Variants in ATRX observed in about 807,000 individuals in gnomAD.
ATRX encodes chromatin remodeler ATRX.
ATRX carries 12 observed loss-of-function variants against 172.6 expected under a neutral mutation model. The observed-to-expected ratio is 0.07, with a 90% CI of 0.04 to 0.11. The LOEUF (loss-of-function observed/expected upper bound fraction) is 0.11, where lower values mean the gene tolerates loss of function less well. ATRX is among the 10% of genes least tolerant of loss of function. The pLI is 1.00. For synonymous variants in ATRX, 674 were observed against 594.7 expected, an observed-to-expected ratio of 1.13 and a Z score of -1.94; for missense variants, 1,368 against 1,767.4, an observed-to-expected ratio of 0.77 and a Z score of 4.05.
At chrX:77,531,132 C>T (rs1196560282) in intron 30 of ATRX, among the ~76,000 whole-genome samples, 1 of 111,445 alleles carries the variant, frequency 9.0e-6, no homozygotes, top group Non-Finnish European at 1.9e-5. Context: ...GAAATTGAGG[C>T]AGTAATAAAT....
At chrX:77,756,400 G>A (rs1264390793) in intron 1 of ATRX, among the ~76,000 whole-genome samples, 1 of 109,361 alleles carries the variant, frequency 9.1e-6, no homozygotes, top group Non-Finnish European at 1.9e-5. Flanking sequence ...GGTATGAAGA[G>A]GGGGAAAAAA....
intron 1 of ATRX, among the ~76,000 whole-genome samples, chrX:77,778,635 C>A (rs1429857395): frequency 9.4e-6 from 1 of 106,730 alleles, no homozygotes; most frequent in South Asian, 4.2e-4. Flanking sequence ...GCAGGAGAAT[C>A]GCTTGAACCC....
At chrX:77,714,038 G>A (rs1557163213) in intron 2 of ATRX, among the ~76,000 whole-genome samples, 1 of 111,526 alleles carries the variant, frequency 9.0e-6, no homozygotes. Context: ...GAATTAGCAA[G>A]CAAAAAGCTA....
chrX:77,632,016 T>G (rs1311006812), intron 19 of ATRX, among the ~76,000 whole-genome samples: 1 of 111,078 alleles, frequency 9.0e-6, no homozygotes, highest in African/African-American at 3.3e-5. Context: ...TTTTTATTTT[T>G]GAGATGGAGT....
intron 1 of ATRX, among the ~76,000 whole-genome samples, chrX:77,723,879 T>A (rs1557170896): frequency 8.9e-6 from 1 of 111,830 alleles, no homozygotes; most frequent in African/African-American, 3.3e-5. Flanking sequence ...AATTGCAAAG[T>A]CAGCTATTTA....
At chrX:77,627,110 G>A (rs1399764964) in intron 19 of ATRX, among the ~76,000 whole-genome samples, 4 of 111,533 alleles carry the variant, frequency 3.6e-5, no homozygotes, top group Non-Finnish European at 7.5e-5. Context: ...GCAGGCGCCT[G>A]TAGTCCCAGC....
rs1340328179 is a variant in ATRX at position 77,683,031 on chromosome X, C to G, written c.2225G>C (p.Ser742Thr). ...TGAAGAAGAACTGTGACTCATCCTG[C>G]TCACCTCTTTGAGGATTGCTAGCAT... ...DEMLAILKEV[S>T]RMSHSSSSDT... The change falls in exon 9 of 35, where the codon AGC becomes ACC. Residue 742 changes from serine (S) to threonine (T), a missense_variant. Coordinates refer to ENST00000373344, the MANE Select transcript of ATRX (RefSeq NM_000489.6). 5 of 1,208,512 alleles carry G rather than the reference C, an allele frequency of 4.1e-6. No individual in the cohort carries two copies. The African/African-American group carries it at 7.0e-5, about 17-fold the overall frequency.
intron 9 of ATRX, among the ~76,000 whole-genome samples, chrX:77,678,943 C>A (rs952367268): frequency 1.8e-5 from 2 of 110,667 alleles, no homozygotes; most frequent in African/African-American, 3.3e-5. Flanking sequence ...CCAAATACTG[C>A]GAATAAACTG....
chrX:77,651,569 T>C (rs2069244530), intron 15 of ATRX, among the ~76,000 whole-genome samples: 1 of 111,889 alleles, frequency 8.9e-6, no homozygotes, highest in Non-Finnish European at 1.9e-5. Context: ...AGAAATCCTG[T>C]GGTTGAGGCT....
rs782672217 is a variant in ATRX, at chrX:77,564,189, A to C, written c.6327-5343T>G. Among the ~76,000 whole-genome samples the C allele has an allele frequency of 6.3e-5, 7 of 111,522 alleles. No individual in the cohort carries two copies. The South Asian group carries it at 2.7e-3, about 42-fold the overall frequency. On this transcript the variant is annotated intron_variant, in intron 28 of 34. Coordinates refer to ENST00000373344, the MANE Select transcript of ATRX (RefSeq NM_000489.6). ...ATGGGCATCTCTTAGTGCAGTCAAA[A>C]TGACACATAAAATTAACTATCACAC... is the stretch of plus-strand genomic sequence containing the variant.
intron 8 of ATRX, 78 bp from the exon 9 acceptor site, chrX:77,684,671 C>T (rs2071454143): frequency 9.5e-7 from 1 of 1,047,767 alleles, no homozygotes; most frequent in Non-Finnish European, 1.3e-6. Flanking sequence ...TAAAAATAAA[C>T]ATTATTCCCA....
chrX:77,552,929 A>G (rs782154392), intron 30 of ATRX, among the ~76,000 whole-genome samples: 2 of 111,771 alleles, frequency 1.8e-5, no homozygotes, highest in African/African-American at 6.5e-5. Flanking sequence ...AAAAGCATGG[A>G]ATTTAATTAT....
intron 34 of ATRX, among the ~76,000 whole-genome samples, 200 bp downstream of exon 34, chrX:77,520,588 A>AG (rs2063198724): frequency 8.9e-6 from 1 of 112,234 alleles, no homozygotes; most frequent in African/African-American, 3.2e-5. Flanking sequence ...ATTCCCATTT[A>AG]GGTAGCTGTT....
In ATRX at chrX:77,786,004, T is replaced by C. The variant is rs1557207646; in HGVS notation, c.-3A>G. On this transcript the variant is annotated 5_prime_UTR_variant, in exon 1 of 35. Coordinates refer to ENST00000373344, the MANE Select transcript of ATRX (RefSeq NM_000489.6). The stretch of plus-strand genomic sequence containing the variant: ...TACCTCATGGGCTCAGCGGTCATGT[T>C]TTCGCTTGAACGCCTTGTCGGCTTC... 8.4e-7 allele frequency: 1 copy of C among 1,193,408 alleles called. No individual in the cohort carries two copies. The highest frequency in any genetic ancestry group is 2.3e-5 in the Admixed American group (1 of 43,675).
chrX:77,682,778 C>T lies in ATRX; in HGVS notation c.2478G>A (p.Lys826=), dbSNP rs782449661. The T allele has an allele frequency of 1.2e-5, 14 of 1,208,246 alleles. No homozygotes were observed. Among genetic ancestry groups the T allele is most frequent in the Non-Finnish European group, 1.1e-6 (1 of 894,667 alleles). ...TGGCAGCACCAATTTTACTCATGCT[C>T]TTTATCTCTTTTTCTAATTCTGAGT... ...NYDSELEKEI[K]SMSKIGAART... is the part of the protein sequence containing the mutation. Residue 826 remains lysine (K), a synonymous_variant, in exon 9 of 35, where the codon AAG becomes AAA. Coordinates refer to ENST00000373344, the MANE Select transcript of ATRX (RefSeq NM_000489.6).
At chrX:77,709,950 A>C (rs2073028504) in intron 2 of ATRX, among the ~76,000 whole-genome samples, 1 of 112,134 alleles carries the variant, frequency 8.9e-6, no homozygotes, top group Admixed American at 9.5e-5. Flanking sequence ...TTTAATTGTA[A>C]CAACTGAAAT....
At chrX:77,562,672 G>A (rs1363582479) in intron 28 of ATRX, among the ~76,000 whole-genome samples, 1 of 111,320 alleles carries the variant, frequency 9.0e-6, no homozygotes, top group Non-Finnish European at 1.9e-5. Context: ...AGCCTCCTAA[G>A]TAGTTATGAC....
intron 1 of ATRX, among the ~76,000 whole-genome samples, chrX:77,755,945 C>G (rs1191306248): frequency 8.9e-6 from 1 of 112,402 alleles, no homozygotes; most frequent in Non-Finnish European, 1.9e-5. Context: ...GAAGCTGCGC[C>G]CACAGCTGCA....
intron 2 of ATRX, among the ~76,000 whole-genome samples, chrX:77,702,343 C>G (rs78936512): frequency 9.0e-6 from 1 of 111,104 alleles, no homozygotes; most frequent in East Asian, 2.8e-4. Flanking sequence ...CTCGGTAAGC[C>G]GAGGCAAGAG....
Sources: gnomAD v4.1 joint callset for allele counts (sites outside exome capture counted in the v4.1 genomes callset) on GRCh38, gnomAD v4.1.1 for gene constraint, MANE v1.5 for transcripts, NCBI Gene and HGNC (gene_info 2026-07-23, HGNC 2026-07-21) for gene names.